CNTN2: variants seen among roughly 807,000 people sequenced by gnomAD.
CNTN2 encodes contactin-2.
In CNTN2, 53 loss-of-function variants were observed where a neutral mutation model predicts 117.5. That is an observed-to-expected ratio of 0.45 (90% confidence interval 0.36 to 0.57). The LOEUF (loss-of-function observed/expected upper bound fraction) is 0.57, where lower values mean the gene tolerates loss of function less well. Ranked by LOEUF, CNTN2 falls within the 20% of genes least tolerant of loss-of-function variation. The pLI, the probability that CNTN2 is intolerant of heterozygous loss-of-function variation, is 0.00. For synonymous variants in CNTN2, 530 were observed against 561.7 expected, an observed-to-expected ratio of 0.94 and a Z score of 0.80; for missense variants, 1,106 against 1,404.3, an observed-to-expected ratio of 0.79 and a Z score of 3.39.
At chr1:205,069,374 C>G in intron 16 of CNTN2, 117 bp from the exon 17 acceptor site, 1 of 960,812 alleles carries the variant, frequency 1.0e-6, no homozygotes. Context: ...GGGGGGCAAA[C>G]CCAGGGCCCA....
At position 205,073,939 on chromosome 1, in the gene CNTN2, G is replaced by A. The variant is rs1170010152; in HGVS notation, c.*174G>A. 6.9e-5 allele frequency: 42 copies of A among 613,070 alleles called. 1 individual carries two copies. The South Asian group carries it at 7.6e-4, about 11-fold the overall frequency. The allele number at this position is 613,070 out of a possible 1,614,324, so 38.0% of individuals were successfully genotyped here. On this transcript the variant is annotated 3_prime_UTR_variant, in exon 23 of 23. Transcript: ENST00000331830. This position sits in a 1 kb window ranked among gnomAD's most constrained non-coding sequence, Gnocchi z 6.3. ...TAGGATATTTTATATTCTGCCGCAG[G>A]ATAGAACCCACGCAAGGATTTTCTT...
chr1:205,047,312 C>T lies in CNTN2; in HGVS notation c.-87+3918C>T, dbSNP rs138128529. 4.1e-3 allele frequency among the ~76,000 whole-genome samples: 627 copies of T among 152,140 alleles called. 6 individuals are homozygous for T. Among genetic ancestry groups the T allele is most frequent in the African/African-American group, 0.014 (569 of 41,504 alleles). Reference sequence around the variant, plus strand: ...CTGCCAGCTGCAGCCTGGCCTGGCCCGCTGAGATCCTAGCAGCCCTCACCC... The same window carrying T: ...CTGCCAGCTGCAGCCTGGCCTGGCCTGCTGAGATCCTAGCAGCCCTCACCC... On this transcript the variant is annotated intron_variant, in intron 1 of 22. Transcript: ENST00000331830.
At position 205,074,862 on chromosome 1, in the gene CNTN2, C is replaced by T. The variant is rs1263975645; in HGVS notation, c.*1097C>T. The T allele has an allele frequency of 2.5e-6, 1 of 398,510 alleles. No homozygotes were observed. Among genetic ancestry groups the T allele is most frequent in the Non-Finnish European group, 4.4e-6 (1 of 226,078 alleles). The allele number at this position is 398,510 out of a possible 1,614,324, so 24.7% of individuals were successfully genotyped here. A position where few individuals can be genotyped will look rare whatever the true frequency, so the allele number is the denominator to read the frequency against. ...TGGCCCTGCCTGCTCCCAGGTATACCTAGGACCACCTGGCCAGATCCGCTC... is the reference window on the plus strand; with the variant it reads ...TGGCCCTGCCTGCTCCCAGGTATACTTAGGACCACCTGGCCAGATCCGCTC... On this transcript the variant is annotated 3_prime_UTR_variant, in exon 23 of 23. Transcript: ENST00000331830.
intron 1 of CNTN2, among the ~76,000 whole-genome samples, chr1:205,050,084 G>T (rs2096449726): frequency 6.6e-6 from 1 of 152,194 alleles, no homozygotes; most frequent in African/African-American, 2.4e-5. Context: ...TTCACAAGGG[G>T]CATTAACCTA....
chr1:205,072,746 T>G, intron 21 of CNTN2, 151 bp downstream of exon 21: 1 of 699,446 alleles, frequency 1.4e-6, no homozygotes, highest in East Asian at 2.7e-5. Flanking sequence ...ATTCATGAAC[T>G]ATTCTCTCAG....
rs1202021302 is a variant in CNTN2 at position 205,059,375 on chromosome 1, T to G, written c.697+82T>G. Reference sequence around the variant, plus strand: ...AGGAAAAGGGTTTTTCCTTTGGAGATTGGAAGATCAGCTTGCAGGGCACTG... The same window carrying G: ...AGGAAAAGGGTTTTTCCTTTGGAGAGTGGAAGATCAGCTTGCAGGGCACTG... On this transcript the variant is annotated intron_variant, in intron 6 of 22. Transcript: ENST00000331830. This position sits in a 1 kb window ranked among gnomAD's most constrained non-coding sequence, Gnocchi z 5.6. 19 of 1,405,450 alleles carry G rather than the reference T, an allele frequency of 1.4e-5. No individual in the cohort carries two copies. Among genetic ancestry groups the G allele is most frequent in the Non-Finnish European group, 1.9e-5 (19 of 1,016,286 alleles). The allele number at this position is 1,405,450 out of a possible 1,614,324, so 87.1% of individuals were successfully genotyped here.
chr1:205,061,054 C>T lies in CNTN2; in HGVS notation c.798-191C>T, dbSNP rs1653951640. 1.6e-6 allele frequency: 1 copy of T among 610,888 alleles called. No individual in the cohort carries two copies. Among genetic ancestry groups the T allele is most frequent in the Admixed American group, 3.2e-5 (1 of 31,538 alleles). 37.8% of individuals were successfully genotyped at this position (610,888 alleles called of 1,614,324 possible). Reference sequence around the variant, plus strand: ...GGTAGAGCAGCCCTGCCTCTTGCCCCTTCCCTGCGTGTGCTCCGAGCCTAC... The same window carrying T: ...GGTAGAGCAGCCCTGCCTCTTGCCCTTTCCCTGCGTGTGCTCCGAGCCTAC... On this transcript the variant is annotated intron_variant, in intron 7 of 22. Transcript: ENST00000331830. This position sits in a 1 kb window ranked among gnomAD's most constrained non-coding sequence, Gnocchi z 4.8.
chr1:205,043,246 GGCCGCC>G lies in CNTN2; in HGVS notation c.-229_-224del, dbSNP rs1320364094. 1 of 152,868 alleles carries G rather than the reference GGCCGCC, an allele frequency of 6.5e-6. No individual in the cohort carries two copies. Among genetic ancestry groups the G allele is most frequent in the Non-Finnish European group, 1.5e-5 (1 of 68,284 alleles). 9.5% of individuals were successfully genotyped at this position (152,868 alleles called of 1,614,324 possible). A position where few individuals can be genotyped will look rare whatever the true frequency, so the allele number is the denominator to read the frequency against. ...CGCCCTCACCCGCCACCGCCGCCGC[GGCCGCC>G]GCCGCACCCGGACAGCGAGCGGCTG... On this transcript the variant is annotated 5_prime_UTR_variant, in exon 1 of 23. Coordinates refer to ENST00000331830, the MANE Select transcript of CNTN2 (RefSeq NM_005076.5).
chr1:205,054,352 T>G (rs946598448), intron 2 of CNTN2, among the ~76,000 whole-genome samples: 3 of 152,192 alleles, frequency 2.0e-5, no homozygotes, highest in African/African-American at 7.2e-5. Flanking sequence ...GTCCTGCAGC[T>G]CAGTCAGTGA....
intron 1 of CNTN2, among the ~76,000 whole-genome samples, chr1:205,050,344 G>T (rs1441093255): frequency 6.6e-6 from 1 of 151,292 alleles, no homozygotes; most frequent in East Asian, 2.0e-4. Flanking sequence ...TTTGTCTTGG[G>T]GCTGCCCCCA....
At chr1:205,060,737 A>T (rs1450518020) in intron 7 of CNTN2, 1 of 152,540 alleles carries the variant, frequency 6.6e-6, no homozygotes, top group Non-Finnish European at 1.5e-5. Flanking sequence ...AAAAAAAAGA[A>T]AAAAAAGAAA....
intron 2 of CNTN2, among the ~76,000 whole-genome samples, chr1:205,054,717 G>A (rs1478960843): frequency 1.3e-5 from 2 of 152,260 alleles, no homozygotes; most frequent in Non-Finnish European, 2.9e-5. Flanking sequence ...AAATCCCATC[G>A]CTGGCCCCCA....
At chr1:205,064,907 C>A (rs948495611) in intron 12 of CNTN2, among the ~76,000 whole-genome samples, 157 bp downstream of exon 12, 3 of 152,164 alleles carry the variant, frequency 2.0e-5, no homozygotes, top group Non-Finnish European at 4.4e-5. Flanking sequence ...ACCACTGAGA[C>A]TCTGGTCATG....
chr1:205,066,525 A>G lies in CNTN2; in HGVS notation c.1901A>G (p.Asn634Ser). The G allele has an allele frequency of 6.2e-7, 1 of 1,613,984 alleles. No individual in the cohort carries two copies. The highest frequency in any genetic ancestry group is 1.3e-5 in the African/African-American group (1 of 75,000). The change falls in exon 15 of 23, where the codon AAC (asparagine) becomes AGC (serine). Residue 634 changes from asparagine (N) to serine (S), a missense_variant. By Grantham distance (46) the Asn-to-Ser change is conservative. Transcript: ENST00000331830. ...CTCAGCTGGAGCCGTGGCTTCGACA[A>G]CCACAGCCCCATCGCTAAGTACACC... ...IQLSWSRGFD[N>S]HSPIAKYTLQ... is the part of the protein sequence containing the mutation.
At position 205,072,056 on chromosome 1, in the gene CNTN2, A is replaced by G; in HGVS notation, c.2654A>G (p.His885Arg). 1 of 1,614,092 alleles carries G rather than the reference A, an allele frequency of 6.2e-7. No homozygotes were observed. Among genetic ancestry groups the G allele is most frequent in the Non-Finnish European group, 8.5e-7 (1 of 1,180,024 alleles). The change falls in exon 20 of 23, where the codon CAT becomes CGT. Residue 885 changes from histidine (H) to arginine (R), a missense_variant. Physicochemically the swap from His to Arg is conservative, Grantham distance 29. Coordinates refer to ENST00000331830, the MANE Select transcript of CNTN2 (RefSeq NM_005076.5). Reference protein sequence around the residue: ...VSGLHPNTKYHVTVRAYNRAG... With the variant: ...VSGLHPNTKYRVTVRAYNRAG... ...GGCCTGCATCCCAACACCAAGTACC[A>G]TGTGACCGTGAGGGCCTACAACCGG...
In CNTN2 at chr1:205,073,840, A is replaced by G; in HGVS notation, c.*75A>G. Reference sequence around the variant, plus strand: ...CACAGCCAGCCCCTTCCTGCTGCCAAGGTGGCCTGACACTGTGCCAGAGAG... The same window carrying G: ...CACAGCCAGCCCCTTCCTGCTGCCAGGGTGGCCTGACACTGTGCCAGAGAG... On this transcript the variant is annotated 3_prime_UTR_variant, in exon 23 of 23. Coordinates refer to ENST00000331830, the MANE Select transcript of CNTN2 (RefSeq NM_005076.5). The surrounding 1 kb of genome is among the most constrained non-coding windows in gnomAD (Gnocchi z 6.3). 1.6e-6 allele frequency: 2 copies of G among 1,255,238 alleles called. No homozygotes were observed. The highest frequency in any genetic ancestry group is 2.3e-6 in the Non-Finnish European group (2 of 875,264). 77.8% of individuals were successfully genotyped at this position (1,255,238 alleles called of 1,614,324 possible).
rs1467779870 is a variant in CNTN2, at chr1:205,062,008, G to A, written c.1110+7G>A. 2 of 1,612,786 alleles carry A rather than the reference G, an allele frequency of 1.2e-6. No individual in the cohort carries two copies. The highest frequency in any genetic ancestry group is 2.2e-5 in the South Asian group (2 of 91,000). On this transcript the variant is annotated splice_region_variant and intron_variant, in intron 9 of 22. Coordinates refer to ENST00000331830, the MANE Select transcript of CNTN2 (RefSeq NM_005076.5). ...GGAGCCTCTGGCCTCCCAGGTAGGA[G>A]ACATGGGGCTTCCCCCGACACATCA... is the stretch of plus-strand genomic sequence containing the variant.
chr1:205,066,239 G>A, intron 14 of CNTN2: 2 of 637,032 alleles, frequency 3.1e-6, no homozygotes, highest in Admixed American at 3.0e-5. Context: ...CCCCAGCCTT[G>A]AGACACATCC....
intron 10 of CNTN2, chr1:205,062,785 C>T: frequency 2.5e-6 from 1 of 399,098 alleles, no homozygotes; most frequent in East Asian, 4.5e-5. Context: ...TGACTTGTTC[C>T]ATGTCTGGCA....
Sources: gnomAD v4.1 joint callset for allele counts (sites outside exome capture counted in the v4.1 genomes callset) on GRCh38, gnomAD v4.1.1 for gene constraint, Gnocchi (gnomAD v3.1) non-coding constraint, MANE v1.5 for transcripts, NCBI Gene and HGNC (gene_info 2026-07-23, HGNC 2026-07-21) for gene names.